Variants in ULK4 observed in about 807,000 individuals in gnomAD.
ULK4 encodes the protein inactive serine/threonine-protein kinase ULK4.
ULK4 carries 133 observed loss-of-function variants against 160.6 expected under a neutral mutation model. The observed-to-expected ratio is 0.83, with a 90% CI of 0.72 to 0.96. ULK4 has a LOEUF of 0.96. Among genes scored for constraint, ULK4 ranks in the 40% least tolerant of loss-of-function variants. ULK4 has a pLI of 0.00. For synonymous variants in ULK4, 534 were observed against 539.8 expected, an observed-to-expected ratio of 0.99 and a Z score of 0.15; for missense variants, 1,580 against 1,499.5, an observed-to-expected ratio of 1.05 and a Z score of -0.89.
chr3:41,304,839 A>T (rs2079873114), intron 35 of ULK4, among the ~76,000 whole-genome samples: 1 of 152,208 alleles, frequency 6.6e-6, no homozygotes, highest in African/African-American at 2.4e-5. Context: ...CTCCTGTGTC[A>T]AAGTGTGGAA....
At chr3:41,902,852 AAAAC>A (rs1409176601) in intron 12 of ULK4, among the ~76,000 whole-genome samples, 1 of 152,246 alleles carries the variant, frequency 6.6e-6, no homozygotes, top group African/African-American at 2.4e-5. Context: ...AACAAAGATT[AAAAC>A]AAACAAGCTT....
At chr3:41,642,235 A>T (rs2034242875) in intron 30 of ULK4, among the ~76,000 whole-genome samples, 1 of 152,022 alleles carries the variant, frequency 6.6e-6, no homozygotes, top group Non-Finnish European at 1.5e-5. Context: ...CATGTGCACA[A>T]CGTGCAGGTT....
chr3:41,905,803 G>C (rs966690696), intron 12 of ULK4, among the ~76,000 whole-genome samples: 1 of 152,092 alleles, frequency 6.6e-6, no homozygotes, highest in Admixed American at 6.5e-5. Context: ...AGCTGGGCGC[G>C]GTGGCTCACG....
At chr3:41,596,977 C>T (rs1399777088) in intron 31 of ULK4, among the ~76,000 whole-genome samples, 1 of 152,154 alleles carries the variant, frequency 6.6e-6, no homozygotes, top group South Asian at 2.1e-4. Context: ...CTGACTTCTA[C>T]GCTCTAGATA....
rs35037891 is a variant in ULK4 at position 41,878,081 on chromosome 3, GAA to G, written c.1656+5791_1656+5792del. ...TCTAACCTCTGAAAAGCTCTACCAGGAAAAAAAAAAAAAAAAAAAAACCTAGA... is the reference window on the plus strand; with the variant it reads ...TCTAACCTCTGAAAAGCTCTACCAGGAAAAAAAAAAAAAAAAAAACCTAGA... On this transcript the variant is annotated intron_variant, in intron 17 of 36. Coordinates refer to ENST00000301831, the MANE Select transcript of ULK4 (RefSeq NM_017886.4). 7.1e-3 allele frequency among the ~76,000 whole-genome samples: 772 copies of G among 108,266 alleles called. 6 individuals are homozygous for G. Among genetic ancestry groups the G allele is most frequent in the African/African-American group, 0.023 (694 of 30,756 alleles). 71.0% of individuals were successfully genotyped at this position (108,266 alleles called of 152,430 possible). A position where few individuals can be genotyped will look rare whatever the true frequency, so the allele number is the denominator to read the frequency against.
intron 21 of ULK4, among the ~76,000 whole-genome samples, chr3:41,782,317 C>G (rs1276324136): frequency 2.0e-5 from 3 of 152,026 alleles, no homozygotes; most frequent in Non-Finnish European, 2.9e-5. Context: ...TTTTTAAGTT[C>G]CAAGAGCAGT....
rs764345243 is a variant in ULK4 at position 41,898,481 on chromosome 3, C to T, written c.1299G>A (p.Gln433=). The T allele has an allele frequency of 6.3e-7, 1 of 1,592,352 alleles. No individual in the cohort carries two copies. The highest frequency in any genetic ancestry group is 8.6e-7 in the Non-Finnish European group (1 of 1,169,556). The change falls in exon 14 of 37, where the codon CAG becomes CAA. Residue 433 remains glutamine, a synonymous_variant. Coordinates refer to ENST00000301831, the MANE Select transcript of ULK4 (RefSeq NM_017886.4). ...PIIDNPKIMK[Q]PPVKFDAKIL... ...TTTTTGCATCAAATTTAACTGGTGG[C>T]TGTTTCATTATCTGTGGTTTAAAAA...
At chr3:41,370,337 G>A (rs1017188543) in intron 35 of ULK4, among the ~76,000 whole-genome samples, 2 of 152,192 alleles carry the variant, frequency 1.3e-5, no homozygotes, top group Non-Finnish European at 2.9e-5. Flanking sequence ...TGATAAATAA[G>A]TGTTTAGTGG....
intron 3 of ULK4, chr3:41,937,816 T>C (rs1348089384): frequency 4.2e-6 from 1 of 235,456 alleles, no homozygotes; most frequent in Non-Finnish European, 8.1e-6. Context: ...TGTTTGTTTT[T>C]ATTTATTGGG....
chr3:41,622,428 TAGG>T (rs2033292620), intron 30 of ULK4, among the ~76,000 whole-genome samples: 1 of 151,998 alleles, frequency 6.6e-6, no homozygotes, highest in Non-Finnish European at 1.5e-5. Flanking sequence ...CCATGAAAAG[TAGG>T]AGTTTGTGTC....
At chr3:41,442,890 C>T (rs1386702531) in intron 34 of ULK4, among the ~76,000 whole-genome samples, 1 of 152,170 alleles carries the variant, frequency 6.6e-6, no homozygotes, top group African/African-American at 2.4e-5. Flanking sequence ...CTTTGTAAAA[C>T]ACTTATCAAG....
intron 30 of ULK4, among the ~76,000 whole-genome samples, chr3:41,648,189 G>C (rs923075858): frequency 1.3e-5 from 2 of 152,154 alleles, no homozygotes; most frequent in Admixed American, 6.5e-5. Flanking sequence ...CTCCCACAAA[G>C]TGCGCTGCTC....
intron 18 of ULK4, among the ~76,000 whole-genome samples, chr3:41,833,506 C>T (rs564290260): frequency 2.6e-5 from 4 of 152,050 alleles, no homozygotes; most frequent in East Asian, 3.9e-4. Flanking sequence ...CCATATTAGC[C>T]GGGATGGTTT....
chr3:41,622,968 C>T (rs1293401925), intron 30 of ULK4, among the ~76,000 whole-genome samples: 1 of 152,058 alleles, frequency 6.6e-6, no homozygotes, highest in Non-Finnish European at 1.5e-5. Context: ...GGGTGTGTTC[C>T]AATAAAACTT....
At chr3:41,345,866 G>A (rs1270091537) in intron 35 of ULK4, among the ~76,000 whole-genome samples, 1 of 152,166 alleles carries the variant, frequency 6.6e-6, no homozygotes, top group East Asian at 1.9e-4. Flanking sequence ...GACATTATCT[G>A]CCCCCAGTGG....
chr3:41,939,307 A>C (rs1699879241), intron 2 of ULK4, among the ~76,000 whole-genome samples: 1 of 151,912 alleles, frequency 6.6e-6, no homozygotes, highest in African/African-American at 2.4e-5. Flanking sequence ...TTACAGGTAC[A>C]CACCACCACA....
intron 22 of ULK4, among the ~76,000 whole-genome samples, chr3:41,729,839 T>C (rs2037766584): frequency 6.6e-6 from 1 of 152,128 alleles, no homozygotes. Context: ...ATACTGACTA[T>C]AGCTGAAACA....
At chr3:41,569,117 AAC>A (rs761680104) in intron 31 of ULK4, among the ~76,000 whole-genome samples, 3 of 152,198 alleles carry the variant, frequency 2.0e-5, no homozygotes, top group Non-Finnish European at 4.4e-5. Flanking sequence ...ACCCTCCAGC[AAC>A]CTGTACATAT....
At chr3:41,949,463 A>G (rs949563919) in intron 2 of ULK4, among the ~76,000 whole-genome samples, 6 of 141,594 alleles carry the variant, frequency 4.2e-5, no homozygotes, top group Non-Finnish European at 7.6e-5. Flanking sequence ...ACAGCATTTC[A>G]CTCTTGTTGC....
Sources: allele counts gnomAD v4.1 joint callset (sites outside exome capture counted in the v4.1 genomes callset), GRCh38; gene constraint gnomAD v4.1.1; transcripts MANE v1.5; gene names NCBI Gene and HGNC (gene_info 2026-07-23, HGNC 2026-07-21).